Variants in STARD6 observed in about 807,000 individuals in gnomAD.
The protein encoded by STARD6 is stAR-related lipid transfer protein 6.
A neutral mutation model predicts 22.3 loss-of-function variants in STARD6; 21 were observed. That is an observed-to-expected ratio of 0.94 (90% CI 0.67 to 1.35). The LOEUF (loss-of-function observed/expected upper bound fraction) is 1.35. Ranked by LOEUF, STARD6 falls within the 40% of genes most tolerant of loss-of-function variation. The pLI is 0.00. For missense variants in STARD6, 269 were observed against 266.9 expected (o/e 1.01, Z -0.05); for synonymous variants, 80 against 88.1 (o/e 0.91, Z 0.52).
chr18:54,357,664 T>G (rs535099694), intron 1 of STARD6, 128 bp downstream of exon 1: 4 of 152,272 alleles, frequency 2.6e-5, no homozygotes, highest in East Asian at 3.9e-4. Context: ...TGAAGGGAGA[T>G]CAGCAAGTCC....
chr18:54,331,866 C>A lies in STARD6; in HGVS notation c.268-7G>T. 1.3e-6 allele frequency: 2 copies of A among 1,551,656 alleles called. No homozygotes were observed. The highest frequency in any genetic ancestry group is 3.5e-5 in the Admixed American group (2 of 57,876). On this transcript the variant is annotated splice_region_variant and splice_polypyrimidine_tract_variant and intron_variant, in intron 5 of 7. Coordinates refer to ENST00000307844, the MANE Select transcript of STARD6 (RefSeq NM_139171.2). The stretch of plus-strand genomic sequence containing the variant: ...TATGACATATGAATGTGTCCTGCAA[C>A]AAATCAAACCGTAAAGATAACAAAC...
At chr18:54,332,690 C>T (rs1450306482) in intron 5 of STARD6, among the ~76,000 whole-genome samples, 1 of 152,184 alleles carries the variant, frequency 6.6e-6, no homozygotes, top group Non-Finnish European at 1.5e-5. Flanking sequence ...TGGCCATCCC[C>T]ATAACCCTAG....
intron 4 of STARD6, among the ~76,000 whole-genome samples, chr18:54,343,818 A>G (rs2089009160): frequency 5.9e-5 from 4 of 68,146 alleles, no homozygotes; most frequent in Non-Finnish European, 1.2e-4. Context: ...CCGGGAGGTG[A>G]GGGGCGCCTC....
chr18:54,331,483 A>G (rs575512703), intron 6 of STARD6, among the ~76,000 whole-genome samples: 3 of 152,206 alleles, frequency 2.0e-5, no homozygotes, highest in Non-Finnish European at 4.4e-5. Context: ...TTTAGGCTAC[A>G]AGTATCTATC....
chr18:54,329,524 G>T, intron 6 of STARD6, 84 bp from the exon 7 acceptor site: 1 of 1,116,108 alleles, frequency 9.0e-7, no homozygotes, highest in Non-Finnish European at 1.3e-6. Context: ...GAAACATATA[G>T]CATTTAAGTT....
intron 4 of STARD6, among the ~76,000 whole-genome samples, chr18:54,345,150 C>T (rs2089023116): frequency 6.6e-6 from 1 of 151,846 alleles, no homozygotes; most frequent in African/African-American, 2.4e-5. Flanking sequence ...CAACAGAATC[C>T]ACTAAAATAA....
intron 3 of STARD6, 51 bp downstream of exon 3, chr18:54,354,433 T>C (rs2089125449): frequency 2.7e-6 from 4 of 1,477,208 alleles, no homozygotes; most frequent in Non-Finnish European, 2.8e-6. Context: ...CAATGAATTG[T>C]TTCTTACTTA....
chr18:54,328,659 G>A (rs1324188147), intron 7 of STARD6, among the ~76,000 whole-genome samples: 1 of 151,180 alleles, frequency 6.6e-6, no homozygotes, highest in African/African-American at 2.4e-5. Flanking sequence ...TTTGTACTGA[G>A]ACATTTATAT....
chr18:54,348,854 AATT>A (rs1376032747), intron 4 of STARD6, among the ~76,000 whole-genome samples: 1 of 152,140 alleles, frequency 6.6e-6, no homozygotes, highest in East Asian at 1.9e-4. Context: ...TTGAGTAGCA[AATT>A]ATTAAGAAAA....
intron 7 of STARD6, among the ~76,000 whole-genome samples, chr18:54,329,074 A>G (rs2088846142): frequency 6.6e-6 from 1 of 152,178 alleles, no homozygotes; most frequent in African/African-American, 2.4e-5. Flanking sequence ...AATAGAAAAC[A>G]TCAAGGAAGC....
intron 7 of STARD6, among the ~76,000 whole-genome samples, chr18:54,325,128 A>T (rs2088813395): frequency 6.6e-6 from 1 of 152,090 alleles, no homozygotes. Context: ...AAACAATATA[A>T]ATTTTTCATA....
intron 4 of STARD6, among the ~76,000 whole-genome samples, chr18:54,352,648 C>T (rs926553413): frequency 6.6e-6 from 1 of 152,136 alleles, no homozygotes; most frequent in Admixed American, 6.6e-5. Context: ...ACCTAGTATA[C>T]AGTGCATATA....
chr18:54,354,558 T>A lies in STARD6; in HGVS notation c.16A>T (p.Ile6Phe), dbSNP rs1461116372. Residue 6 changes from isoleucine (I) to phenylalanine (F), a missense_variant, in exon 3 of 8, where the codon ATT becomes TTT. Ile to Phe is a conservative substitution (Grantham distance 21, BLOSUM62 0). Coordinates refer to ENST00000307844, the MANE Select transcript of STARD6 (RefSeq NM_139171.2). MDFKA[I>F]AQQTAQEVLG... is the part of the protein sequence containing the mutation. ...ACTTCTTGGGCAGTTTGTTGGGCAA[T>A]TGCCTTGAAGTCCATCTATCTGCAA... 1 of 1,613,072 alleles carries A rather than the reference T, an allele frequency of 6.2e-7. No homozygotes were observed.
At chr18:54,337,013 AT>A in intron 5 of STARD6, 111 bp downstream of exon 5, 1 of 1,000,568 alleles carries the variant, frequency 1.0e-6, no homozygotes, top group African/African-American at 1.6e-5. Flanking sequence ...CTTCAAGTCA[AT>A]TTGAAACTAT....
At chr18:54,353,962 T>C (rs2089120589) in intron 4 of STARD6, 92 bp downstream of exon 4, 1 of 708,204 alleles carries the variant, frequency 1.4e-6, no homozygotes, top group Non-Finnish European at 2.3e-6. Flanking sequence ...TATAAAATAA[T>C]TTATTATAGC....
At chr18:54,336,730 T>C (rs1356797211) in intron 5 of STARD6, among the ~76,000 whole-genome samples, 1 of 152,220 alleles carries the variant, frequency 6.6e-6, no homozygotes, top group East Asian at 1.9e-4. Context: ...ATGTGCTTAC[T>C]TCCCCTTCGC....
At chr18:54,351,185 A>C (rs1482938668) in intron 4 of STARD6, among the ~76,000 whole-genome samples, 1 of 151,984 alleles carries the variant, frequency 6.6e-6, no homozygotes, top group Non-Finnish European at 1.5e-5. Flanking sequence ...CCTTGTAGAG[A>C]TCTCTCACCA....
At chr18:54,334,347 T>G (rs2088890961) in intron 5 of STARD6, among the ~76,000 whole-genome samples, 1 of 152,178 alleles carries the variant, frequency 6.6e-6, no homozygotes, top group Non-Finnish European at 1.5e-5. Context: ...CCATGCTCCT[T>G]TCAGCAGCTG....
At chr18:54,357,600 C>G (rs1216443116) in intron 1 of STARD6, among the ~76,000 whole-genome samples, 192 bp downstream of exon 1, 1 of 152,182 alleles carries the variant, frequency 6.6e-6, no homozygotes, top group Non-Finnish European at 1.5e-5. Context: ...CAGCCGCCAG[C>G]GCCCTTAAGT....
Sources: allele counts gnomAD v4.1 joint callset (sites outside exome capture counted in the v4.1 genomes callset), GRCh38; gene constraint gnomAD v4.1.1; transcripts MANE v1.5; gene names NCBI Gene and HGNC (gene_info 2026-07-23, HGNC 2026-07-21).